Variants in OR2C1 observed in about 807,000 individuals in gnomAD.
OR2C1 encodes olfactory receptor 2C1.
For synonymous variants in OR2C1, 209 were observed against 167.3 expected, an observed-to-expected ratio of 1.25 and a Z score of -1.92; for missense variants, 468 against 388.3, an observed-to-expected ratio of 1.21 and a Z score of -1.73.
chr16:3,332,704 T>G, the OR2C1 span, among the ~76,000 whole-genome samples: 1 of 129,230 alleles, frequency 7.7e-6, no homozygotes, highest in Non-Finnish European at 1.6e-5. Context: ...TATGGCTGAA[T>G]AATAATATTC....
At chr16:3,347,878 ATGC>A in the OR2C1 span, among the ~76,000 whole-genome samples, 1 of 16,912 alleles carries the variant, frequency 5.9e-5, no homozygotes, top group African/African-American at 3.4e-4. Context: ...ACACACGCAC[ATGC>A]ACACATGCAC....
rs746947842 is a variant in OR2C1 at position 3,355,934 on chromosome 16, A to G, written c.-7A>G. 34 of 1,584,488 alleles carry G rather than the reference A, an allele frequency of 2.1e-5. No homozygotes were observed. Among genetic ancestry groups the G allele is most frequent in the Non-Finnish European group, 2.8e-5 (33 of 1,163,094 alleles). ...TGAATTCATCAAGTGACTGAAGACA[A>G]CCAGTGATGGACGGGGTGAATGATA... On this transcript the variant is annotated 5_prime_UTR_variant, in exon 1 of 1. Coordinates refer to ENST00000304936, the MANE Select transcript of OR2C1 (RefSeq NM_012368.3).
At chr16:3,353,744 T>A (rs976396788), upstream of OR2C1, among the ~76,000 whole-genome samples, 1 of 151,634 alleles carries the variant, frequency 6.6e-6, no homozygotes, top group South Asian at 2.1e-4. Flanking sequence ...GAGGTTGCAG[T>A]GAGCTGAGAT....
At chr16:3,345,151 T>C in the OR2C1 span, among the ~76,000 whole-genome samples, 11 of 151,480 alleles carry the variant, frequency 7.3e-5, no homozygotes, top group Non-Finnish European at 8.8e-5. Flanking sequence ...AGTGAAAACA[T>C]TGTGGAGGAA....
At chr16:3,350,474 C>T in the OR2C1 span, among the ~76,000 whole-genome samples, 7 of 150,144 alleles carry the variant, frequency 4.7e-5, no homozygotes, top group African/African-American at 1.7e-4. Flanking sequence ...TGCAGTGGCG[C>T]GATCTTGGAT....
At chr16:3,323,960 G>T in the OR2C1 span, 1 of 638,134 alleles carries the variant, frequency 1.6e-6, no homozygotes, top group Non-Finnish European at 2.6e-6. Context: ...CCTTACTGTT[G>T]AATTTTTAAA....
At chr16:3,327,763 C>G in the OR2C1 span, among the ~76,000 whole-genome samples, 18 of 152,218 alleles carry the variant, frequency 1.2e-4, 1 homozygote, top group East Asian at 3.5e-3. Context: ...GAACAAAAAA[C>G]TAATAATAAT....
the OR2C1 span, among the ~76,000 whole-genome samples, chr16:3,349,984 A>T: frequency 3.1e-4 from 47 of 151,762 alleles, no homozygotes; most frequent in African/African-American, 1.1e-3. Context: ...AAGCCCGTTT[A>T]TACAGAGGTC....
the OR2C1 span, among the ~76,000 whole-genome samples, chr16:3,326,872 G>C: frequency 6.6e-6 from 1 of 152,198 alleles, no homozygotes; most frequent in Non-Finnish European, 1.5e-5. Flanking sequence ...GCAGAATAGA[G>C]TGATAGAAAT....
the OR2C1 span, among the ~76,000 whole-genome samples, chr16:3,326,886 G>A: frequency 1.3e-5 from 2 of 152,152 alleles, no homozygotes; most frequent in Non-Finnish European, 2.9e-5. Context: ...TAGAAATTCA[G>A]TCCTTGGTAA....
chr16:3,348,799 GT>G, the OR2C1 span, among the ~76,000 whole-genome samples: 1 of 152,198 alleles, frequency 6.6e-6, no homozygotes. Flanking sequence ...CCTGTTACGT[GT>G]TTATTGAATA....
chr16:3,340,513 C>G, the OR2C1 span, among the ~76,000 whole-genome samples: 1 of 152,126 alleles, frequency 6.6e-6, no homozygotes, highest in African/African-American at 2.4e-5. Flanking sequence ...ATCTAAGAAT[C>G]CATTGCCAAA....
chr16:3,351,307 G>A (rs1035763253), upstream of OR2C1, among the ~76,000 whole-genome samples: 4 of 142,168 alleles, frequency 2.8e-5, no homozygotes, highest in African/African-American at 5.3e-5. Flanking sequence ...GGCTTACCAC[G>A]GCCTCTGCCT....
At chr16:3,329,689 T>C in the OR2C1 span, among the ~76,000 whole-genome samples, 13 of 148,718 alleles carry the variant, frequency 8.7e-5, no homozygotes. Context: ...GACCTCATGA[T>C]CCACCCACCT....
chr16:3,335,399 G>T, the OR2C1 span, among the ~76,000 whole-genome samples: 1 of 150,956 alleles, frequency 6.6e-6, no homozygotes, highest in African/African-American at 2.4e-5. Flanking sequence ...TCTTTTACTT[G>T]TTTGGTTAAA....
At chr16:3,350,920 G>A (rs1272996474), upstream of OR2C1, among the ~76,000 whole-genome samples, 1 of 149,360 alleles carries the variant, frequency 6.7e-6, no homozygotes, top group African/African-American at 2.5e-5. Context: ...TCATGCCTGT[G>A]AACCTAACAC....
chr16:3,342,049 C>T, the OR2C1 span, among the ~76,000 whole-genome samples: 1 of 152,132 alleles, frequency 6.6e-6, no homozygotes, highest in Non-Finnish European at 1.5e-5. Flanking sequence ...TACCAGATGT[C>T]CTTTTATGGA....
At chr16:3,352,902 C>T (rs931836023), upstream of OR2C1, among the ~76,000 whole-genome samples, 9 of 150,320 alleles carry the variant, frequency 6.0e-5, no homozygotes, top group African/African-American at 9.9e-5. Flanking sequence ...GCACCACGCC[C>T]GGATAATTTT....
At chr16:3,347,097 A>C in the OR2C1 span, among the ~76,000 whole-genome samples, 2 of 151,218 alleles carry the variant, frequency 1.3e-5, no homozygotes, top group East Asian at 4.0e-4. Context: ...AAGTACAAAA[A>C]TTAGCTGGGC....
Sources: gnomAD v4.1 joint callset for allele counts (sites outside exome capture counted in the v4.1 genomes callset) on GRCh38, gnomAD v4.1.1 for gene constraint, MANE v1.5 for transcripts, NCBI Gene and HGNC (gene_info 2026-07-23, HGNC 2026-07-21) for gene names.